The following RPL39 variants were observed in gnomAD, a reference collection of about 807,000 sequenced individuals.
The protein encoded by RPL39 is large ribosomal subunit protein eL39.
For synonymous variants in RPL39, 8 were observed against 11.4 expected, an observed-to-expected ratio of 0.70 and a Z score of 0.60; for missense variants, 6 against 37.2, an observed-to-expected ratio of 0.16 and a Z score of 2.18.
chrX:119,791,630 G>A lies in RPL39; in HGVS notation c.-54C>T. On this transcript the variant is annotated 5_prime_UTR_variant, in exon 1 of 3. Coordinates refer to ENST00000361575, the MANE Select transcript of RPL39 (RefSeq NM_001000.4). ...CGATGGCGGAGAAAGGAAGAGGAGG[G>A]AAGCTGGCGGAAGAACGAGCTTAGA... The A allele has an allele frequency of 2.7e-6, 3 of 1,117,456 alleles. No homozygotes were observed. The highest frequency in any genetic ancestry group is 3.6e-6 in the Non-Finnish European group (3 of 839,656). 92.1% of individuals were successfully genotyped at this position (1,117,456 alleles called of 1,213,427 possible). A position where few individuals can be genotyped will look rare whatever the true frequency, so the allele number is the denominator to read the frequency against.
intron 2 of RPL39, among the ~76,000 whole-genome samples, chrX:119,788,097 G>A (rs1418733489): frequency 8.9e-6 from 1 of 111,798 alleles, no homozygotes; most frequent in Non-Finnish European, 1.9e-5. Flanking sequence ...CAATTAACTA[G>A]CCCATAACAT....
chrX:119,789,639 G>C (rs1468437541), intron 2 of RPL39, among the ~76,000 whole-genome samples: 1 of 112,529 alleles, frequency 8.9e-6, no homozygotes, highest in African/African-American at 3.2e-5. Context: ...GTATAAGACA[G>C]CCTTCCACCT....
intron 2 of RPL39, 114 bp from the exon 3 acceptor site, chrX:119,786,846 C>T (rs7885997): frequency 0.46 from 254,036 of 549,643 alleles, 43,762 homozygotes; most frequent in African/African-American, 0.53. Context: ...TTTCTCTCCT[C>T]TAACAAGTTT....
chrX:119,787,631 T>C (rs2055674646), intron 2 of RPL39: 1 of 250,821 alleles, frequency 4.0e-6, no homozygotes, highest in African/African-American at 2.9e-5. Flanking sequence ...GGTTATTTAT[T>C]GAACTAGGCG....
At chrX:119,788,032 T>G (rs1026850510) in intron 2 of RPL39, among the ~76,000 whole-genome samples, 2 of 111,653 alleles carry the variant, frequency 1.8e-5, no homozygotes, top group African/African-American at 3.3e-5. Flanking sequence ...CACGTTCAAG[T>G]AGATGTATCA....
chrX:119,791,560 G>A lies in RPL39; in HGVS notation c.3+14C>T, dbSNP rs2055701913. ...GGAAGCCACCCCGGGGCCGATGGGG[G>A]CCGATGGACTTACCATGGCGAGCAG... On this transcript the variant is annotated intron_variant, in intron 1 of 2. Coordinates refer to ENST00000361575, the MANE Select transcript of RPL39 (RefSeq NM_001000.4). 2.6e-6 allele frequency: 3 copies of A among 1,167,276 alleles called. No individual in the cohort carries two copies. Among genetic ancestry groups the A allele is most frequent in the South Asian group, 4.0e-5 (2 of 50,486 alleles).
rs1300364938 is a variant in RPL39 at position 119,791,601 on chromosome X, A to C, written c.-25T>G. On this transcript the variant is annotated 5_prime_UTR_variant, in exon 1 of 3. Transcript: ENST00000361575. ...TGGCGAGCAGCGGAGTCAAGAACAC[A>C]CCACGATGGCGGAGAAAGGAAGAGG... 4 of 1,170,064 alleles carry C rather than the reference A, an allele frequency of 3.4e-6. No homozygotes were observed. The highest frequency in any genetic ancestry group is 2.4e-4 in the Middle Eastern group (1 of 4,179).
chrX:119,790,759 A>C (rs867622028), intron 1 of RPL39: 1 of 111,577 alleles, frequency 9.0e-6, no homozygotes. Flanking sequence ...CAAAATTGGC[A>C]CGGATGCAGG....
rs747297437 is a variant in RPL39, at chrX:119,791,588, G to A, written c.-12C>T. 3.0e-5 allele frequency: 35 copies of A among 1,177,977 alleles called. No individual in the cohort carries two copies. The East Asian group carries it at 1.1e-3, about 35-fold the overall frequency. ...GATGGACTTACCATGGCGAGCAGCG[G>A]AGTCAAGAACACACCACGATGGCGG... is the stretch of plus-strand genomic sequence containing the variant. On this transcript the variant is annotated 5_prime_UTR_variant, in exon 1 of 3. Coordinates refer to ENST00000361575, the MANE Select transcript of RPL39 (RefSeq NM_001000.4).
intron 1 of RPL39, chrX:119,791,260 C>A (rs1481507687): frequency 8.9e-5 from 23 of 258,637 alleles, no homozygotes; most frequent in Non-Finnish European, 1.6e-4. Context: ...CACCTCCCAC[C>A]CCCCGCCTCC....
At chrX:119,786,847 T>A in intron 2 of RPL39, 115 bp from the exon 3 acceptor site, 1 of 542,515 alleles carries the variant, frequency 1.8e-6, no homozygotes, top group Non-Finnish European at 3.1e-6. Flanking sequence ...TTCTCTCCTC[T>A]AACAAGTTTG....
At chrX:119,787,663 C>T (rs1211185911) in intron 2 of RPL39, among the ~76,000 whole-genome samples, 3 of 110,854 alleles carry the variant, frequency 2.7e-5, no homozygotes, top group Non-Finnish European at 1.9e-5. Flanking sequence ...ATACATTTTT[C>T]TTTTTTTGAG....
intron 2 of RPL39, among the ~76,000 whole-genome samples, chrX:119,789,220 T>C (rs899237514): frequency 9.0e-6 from 1 of 110,767 alleles, no homozygotes; most frequent in African/African-American, 3.3e-5. Context: ...AGGGAGATAG[T>C]GTCAACGCAG....
chrX:119,787,273 C>T (rs2055672166), intron 2 of RPL39: 4 of 328,015 alleles, frequency 1.2e-5, no homozygotes, highest in Admixed American at 9.0e-5. Context: ...AGGCATGAGC[C>T]ACTGCACCTG....
intron 1 of RPL39, chrX:119,790,483 C>A (rs909251623): frequency 8.8e-6 from 1 of 114,192 alleles, no homozygotes; most frequent in African/African-American, 3.2e-5. Context: ...AACAGGGGTA[C>A]GTACTTTTCA....
intron 2 of RPL39, among the ~76,000 whole-genome samples, chrX:119,789,696 G>A (rs1222112765): frequency 1.8e-5 from 2 of 112,833 alleles, no homozygotes; most frequent in Admixed American, 1.9e-4. Context: ...AATAAGTATT[G>A]GAGAATTATC....
chrX:119,789,418 G>A (rs773549058), intron 2 of RPL39, among the ~76,000 whole-genome samples: 4 of 112,120 alleles, frequency 3.6e-5, no homozygotes, highest in Non-Finnish European at 5.6e-5. Flanking sequence ...TTAGCTGGGC[G>A]TGGTGACGCA....
intron 2 of RPL39, chrX:119,787,553 G>T: frequency 2.9e-6 from 1 of 346,180 alleles, no homozygotes; most frequent in Non-Finnish European, 5.6e-6. Flanking sequence ...AATTATCTGG[G>T]TCAAGGGTAT....
chrX:119,788,306 C>A (rs1467092472), intron 2 of RPL39, among the ~76,000 whole-genome samples: 1 of 111,126 alleles, frequency 9.0e-6, no homozygotes, highest in Non-Finnish European at 1.9e-5. Context: ...GGCAGAGGCG[C>A]GTGAATCACG....
Sources: gnomAD v4.1 joint callset for allele counts (sites outside exome capture counted in the v4.1 genomes callset) on GRCh38, gnomAD v4.1.1 for gene constraint, MANE v1.5 for transcripts, NCBI Gene and HGNC (gene_info 2026-07-23, HGNC 2026-07-21) for gene names.